The following PCNX1 variants were observed in gnomAD, a reference collection of about 807,000 sequenced individuals.
The protein encoded by PCNX1 is pecanex-like protein 1.
In PCNX1, 78 loss-of-function variants were observed where a neutral mutation model predicts 242.2. That is an observed-to-expected ratio of 0.32 (90% confidence interval 0.27 to 0.39). The LOEUF is 0.39. Ranked by LOEUF, PCNX1 falls within the 10% of genes least tolerant of loss-of-function variation. The pLI, the probability that PCNX1 is intolerant of heterozygous loss-of-function variation, is 1.00. For missense variants in PCNX1, 2,581 were observed against 2,856.5 expected, an observed-to-expected ratio of 0.90 and a Z score of 2.20; for synonymous variants, 1,024 against 1,032.9, an observed-to-expected ratio of 0.99 and a Z score of 0.17.
At chr14:71,109,182 A>G (rs1204061661) in intron 34 of PCNX1, 136 bp downstream of exon 34, 4 of 921,158 alleles carry the variant, frequency 4.3e-6, no homozygotes, top group Non-Finnish European at 4.8e-6. Flanking sequence ...AATGTTGGGG[A>G]AAAATTTCTT....
chr14:71,011,643 AT>A, intron 10 of PCNX1, 94 bp downstream of exon 10: 1 of 783,034 alleles, frequency 1.3e-6, no homozygotes, highest in East Asian at 2.7e-5. Flanking sequence ...ATAAAAATTG[AT>A]GAAGTTACAC....
chr14:70,985,070 A>G (rs1313461318), intron 6 of PCNX1, among the ~76,000 whole-genome samples: 1 of 152,206 alleles, frequency 6.6e-6, no homozygotes, highest in Non-Finnish European at 1.5e-5. Flanking sequence ...CTAAAATGTA[A>G]GAGGATATTT....
chr14:70,949,891 G>A (rs2057709240), intron 2 of PCNX1, among the ~76,000 whole-genome samples: 2 of 152,202 alleles, frequency 1.3e-5, no homozygotes, highest in African/African-American at 4.8e-5. Context: ...CTAGCAGGTA[G>A]ATGCTGTTAT....
chr14:71,031,806 C>A (rs2060393028), intron 16 of PCNX1: 1 of 1,484,632 alleles, frequency 6.7e-7, no homozygotes, highest in African/African-American at 1.4e-5. Flanking sequence ...CCATGCATAG[C>A]TTGGCAGCGA....
In PCNX1 at chr14:71,053,443, G is replaced by A. The variant is rs374685070; in HGVS notation, c.4577+1431G>A. Reference sequence around the variant, plus strand: ...AGCAATTCTCCTGCCTCAGCCTCCCGAGTAGCTGGGATTACAGGCGCCCAC... The same window carrying A: ...AGCAATTCTCCTGCCTCAGCCTCCCAAGTAGCTGGGATTACAGGCGCCCAC... On this transcript the variant is annotated intron_variant, in intron 24 of 35. Coordinates refer to ENST00000304743, the MANE Select transcript of PCNX1 (RefSeq NM_014982.3). 89 of 356,920 alleles carry A rather than the reference G, an allele frequency of 2.5e-4. 1 individual carries two copies. The highest frequency in any genetic ancestry group is 1.8e-3 in the South Asian group (81 of 46,108). 22.1% of individuals were successfully genotyped at this position (356,920 alleles called of 1,614,324 possible).
chr14:71,045,265 A>G lies in PCNX1; in HGVS notation c.4000A>G (p.Asn1334Asp), dbSNP rs1319014955. The G allele has an allele frequency of 6.2e-7, 1 of 1,605,108 alleles. No individual in the cohort carries two copies. The highest frequency in any genetic ancestry group is 1.3e-5 in the African/African-American group (1 of 74,396). Residue 1334 changes from asparagine to aspartate, a missense_variant, in exon 20 of 36, where the codon AAT becomes GAT. Physicochemically the swap from Asn to Asp is conservative, Grantham distance 23. Coordinates refer to ENST00000304743, the MANE Select transcript of PCNX1 (RefSeq NM_014982.3). Reference sequence around the variant, plus strand: ...TCCTCTGCTAAAGACACTAGAGTATAATCAGTATGAAGTTCGAAGTAAGTA... The same window carrying G: ...TCCTCTGCTAAAGACACTAGAGTATGATCAGTATGAAGTTCGAAGTAAGTA... Reference protein sequence around the residue: ...SHPLLKTLEYNQYEVRNAATM... With the variant: ...SHPLLKTLEYDQYEVRNAATM...
At chr14:70,962,385 T>C in intron 3 of PCNX1, 54 bp downstream of exon 3, 1 of 901,094 alleles carries the variant, frequency 1.1e-6, no homozygotes, top group Non-Finnish European at 1.9e-6. Context: ...GATGGTGGTC[T>C]CCGTTATTCT....
intron 28 of PCNX1, among the ~76,000 whole-genome samples, chr14:71,086,319 G>T (rs11622673): frequency 0.03 from 4,578 of 152,252 alleles, 74 homozygotes; most frequent in Non-Finnish European, 0.042. Flanking sequence ...TGATTGAGTG[G>T]TTAATTGATT....
chr14:70,940,858 T>C (rs2057211117), intron 1 of PCNX1, among the ~76,000 whole-genome samples: 1 of 152,202 alleles, frequency 6.6e-6, no homozygotes, highest in African/African-American at 2.4e-5. Context: ...ACTTCTCTTC[T>C]CACTTCATTT....
chr14:70,977,607 G>A lies in PCNX1; in HGVS notation c.1270G>A (p.Gly424Arg). Residue 424 changes from glycine (G) to arginine (R), a missense_variant, in exon 6 of 36, where the codon GGA (glycine) becomes AGA (arginine). Coordinates refer to ENST00000304743, the MANE Select transcript of PCNX1 (RefSeq NM_014982.3). ...LSEHEESPKAGTKSGRKKECC... is the reference protein window; with the variant it reads ...LSEHEESPKARTKSGRKKECC... ...AGAGCATGAGGAGTCTCCTAAAGCAGGAACAAAAAGTGGGAGGAAGAAAGA... is the reference window on the plus strand; with the variant it reads ...AGAGCATGAGGAGTCTCCTAAAGCAAGAACAAAAAGTGGGAGGAAGAAAGA... 6.2e-7 allele frequency: 1 copy of A among 1,614,142 alleles called. No homozygotes were observed. The highest frequency in any genetic ancestry group is 1.3e-5 in the African/African-American group (1 of 75,020).
At chr14:70,989,823 C>T (rs1171666025) in intron 7 of PCNX1, among the ~76,000 whole-genome samples, 1 of 152,130 alleles carries the variant, frequency 6.6e-6, no homozygotes, top group Non-Finnish European at 1.5e-5. Flanking sequence ...TGAGCCACTG[C>T]GTTCTGCCCC....
rs549557597 is a variant in PCNX1, at chr14:71,112,690, C to T, written c.*2755C>T. Reference sequence around the variant, plus strand: ...TTCTCTGCTTTTTTTCAGTTATGTACAAGACTTCAGCATACATTAATGTCT... The same window carrying T: ...TTCTCTGCTTTTTTTCAGTTATGTATAAGACTTCAGCATACATTAATGTCT... On this transcript the variant is annotated 3_prime_UTR_variant, in exon 36 of 36. Transcript: ENST00000304743. 9.9e-5 allele frequency: 15 copies of T among 152,176 alleles called. No individual in the cohort carries two copies. Among genetic ancestry groups the T allele is most frequent in the Admixed American group, 6.5e-4 (10 of 15,276 alleles). The allele number at this position is 152,176 out of a possible 1,614,324, so 9.4% of individuals were successfully genotyped here. A position where few individuals can be genotyped will look rare whatever the true frequency, so the allele number is the denominator to read the frequency against.
chr14:71,096,009 C>T (rs945668712), intron 30 of PCNX1, among the ~76,000 whole-genome samples: 37 of 151,888 alleles, frequency 2.4e-4, no homozygotes, highest in African/African-American at 8.5e-4. Flanking sequence ...GACCCTGTCT[C>T]TACAAAAAAT....
At chr14:71,019,394 G>GTTTTGTTTGTTTTA (rs1255829095) in intron 12 of PCNX1, among the ~76,000 whole-genome samples, 1 of 152,058 alleles carries the variant, frequency 6.6e-6, no homozygotes, top group African/African-American at 2.4e-5. Context: ...AACTGTGTTT[G>GTTTTGTTTGTTTTA]TTTTGTTTGT....
chr14:71,090,648 G>T (rs1212930293), intron 30 of PCNX1, among the ~76,000 whole-genome samples: 6 of 152,188 alleles, frequency 3.9e-5, no homozygotes, highest in Non-Finnish European at 8.8e-5. Flanking sequence ...TCAAAAAAAG[G>T]TAATTCTTCA....
At chr14:70,937,381 T>C (rs886508610) in intron 1 of PCNX1, among the ~76,000 whole-genome samples, 1 of 152,252 alleles carries the variant, frequency 6.6e-6, no homozygotes, top group African/African-American at 2.4e-5. Flanking sequence ...CACCATTTAT[T>C]AAATAGGGAA....
intron 19 of PCNX1, among the ~76,000 whole-genome samples, chr14:71,039,060 T>C (rs1407329047): frequency 6.6e-6 from 1 of 150,736 alleles, no homozygotes; most frequent in Non-Finnish European, 1.5e-5. Flanking sequence ...CATCACACTC[T>C]GGGGACTGTT....
At chr14:70,910,198 C>CTCCTCCTCG (rs1566808933) in intron 1 of PCNX1, among the ~76,000 whole-genome samples, 2 of 58,694 alleles carry the variant, frequency 3.4e-5, no homozygotes. Context: ...CCTCCTCCTC[C>CTCCTCCTCG]TCCTCCTCGT....
intron 5 of PCNX1, among the ~76,000 whole-genome samples, chr14:70,974,933 T>C: frequency 6.6e-6 from 1 of 152,226 alleles, no homozygotes; most frequent in Non-Finnish European, 1.5e-5. Flanking sequence ...AAATTCTTTC[T>C]GACAAAATTA....
Sources: gnomAD v4.1 joint callset for allele counts (sites outside exome capture counted in the v4.1 genomes callset) on GRCh38, gnomAD v4.1.1 for gene constraint, MANE v1.5 for transcripts, NCBI Gene and HGNC (gene_info 2026-07-23, HGNC 2026-07-21) for gene names.